ALK: variants seen among roughly 807,000 people sequenced by gnomAD.
ALK encodes ALK tyrosine kinase receptor.
Under a neutral mutation model 163.1 loss-of-function variants are expected in ALK, and 74 were observed. The ratio of observed to expected loss-of-function variants is 0.45; its 90% CI spans 0.38 to 0.55. The LOEUF (loss-of-function observed/expected upper bound fraction) is 0.55. Ranked by LOEUF, ALK falls within the 20% of genes least tolerant of loss-of-function variation. ALK has a pLI of 0.00. For missense variants in ALK, 2,063 were observed against 2,105.3 expected (o/e 0.98, Z 0.39); for synonymous variants, 960 against 843.2 (o/e 1.14, Z -2.40).
chr2:29,909,409 C>T (rs924556085), intron 1 of ALK, among the ~76,000 whole-genome samples: 2 of 151,012 alleles, frequency 1.3e-5, no homozygotes, highest in Admixed American at 6.6e-5. Context: ...TGAAGCAGCT[C>T]GAATTTCCAG....
At chr2:29,695,488 C>T (rs776751747) in intron 2 of ALK, among the ~76,000 whole-genome samples, 50 of 152,056 alleles carry the variant, frequency 3.3e-4, no homozygotes, top group African/African-American at 9.4e-4. Flanking sequence ...TCAAGTTTGC[C>T]GTAAGAACTG....
chr2:29,471,259 T>G (rs1413728991), intron 4 of ALK, among the ~76,000 whole-genome samples: 1 of 152,174 alleles, frequency 6.6e-6, no homozygotes, highest in African/African-American at 2.4e-5. Context: ...TAGCAGAAGA[T>G]AGAAAAACAA....
intron 4 of ALK, among the ~76,000 whole-genome samples, chr2:29,464,568 C>T (rs1558335853): frequency 1.3e-5 from 2 of 151,206 alleles, no homozygotes; most frequent in South Asian, 2.1e-4. Context: ...AAGACTGAAA[C>T]AGGCCCAGAT....
At chr2:29,470,723 A>G (rs1305119072) in intron 4 of ALK, among the ~76,000 whole-genome samples, 1 of 152,168 alleles carries the variant, frequency 6.6e-6, no homozygotes, top group Non-Finnish European at 1.5e-5. Context: ...TTACTAAAAG[A>G]AATATTAACG....
chr2:29,478,650 G>A (rs1305813271), intron 4 of ALK, among the ~76,000 whole-genome samples: 1 of 152,270 alleles, frequency 6.6e-6, no homozygotes, highest in African/African-American at 2.4e-5. Context: ...ACACTGCCAG[G>A]TGATTGAGGA....
At chr2:29,521,100 C>G (rs766896502) in intron 4 of ALK, among the ~76,000 whole-genome samples, 1 of 152,200 alleles carries the variant, frequency 6.6e-6, no homozygotes, top group African/African-American at 2.4e-5. Flanking sequence ...CTGGATCACA[C>G]AGTGGGGCTA....
chr2:29,239,649 C>T (rs1291639526), intron 13 of ALK, 31 bp downstream of exon 13: 2 of 1,612,474 alleles, frequency 1.2e-6, no homozygotes, highest in Non-Finnish European at 1.7e-6. Context: ...TGACAGAGTG[C>T]AGACGAGAAA....
intron 3 of ALK, among the ~76,000 whole-genome samples, chr2:29,568,558 G>C (rs1674259931): frequency 6.6e-6 from 1 of 152,086 alleles, no homozygotes. Flanking sequence ...GTTCTTTAGG[G>C]GTCCCTGGAA....
At chr2:29,247,077 G>C (rs1226013538) in intron 12 of ALK, among the ~76,000 whole-genome samples, 1 of 152,206 alleles carries the variant, frequency 6.6e-6, no homozygotes, top group Non-Finnish European at 1.5e-5. Flanking sequence ...CCCTCTCCTG[G>C]CAGAAGCCAT....
chr2:29,454,505 A>T, intron 4 of ALK, among the ~76,000 whole-genome samples: 1 of 152,130 alleles, frequency 6.6e-6, no homozygotes, highest in East Asian at 1.9e-4. Flanking sequence ...TGAATCCACA[A>T]ATGCAGAACC....
At chr2:29,844,091 T>A (rs79192919) in intron 1 of ALK, among the ~76,000 whole-genome samples, 1,956 of 152,256 alleles carry the variant, frequency 0.013, 48 homozygotes, top group African/African-American at 0.045. Flanking sequence ...GTTGTATAAG[T>A]TCTGGAAAAG....
intron 4 of ALK, among the ~76,000 whole-genome samples, chr2:29,389,910 C>A (rs987627870): frequency 6.6e-6 from 1 of 152,082 alleles, no homozygotes; most frequent in African/African-American, 2.4e-5. Flanking sequence ...CTGGAGGATA[C>A]CTGAGTTCTC....
At chr2:29,464,963 A>C (rs979680609) in intron 4 of ALK, among the ~76,000 whole-genome samples, 1 of 152,260 alleles carries the variant, frequency 6.6e-6, no homozygotes, top group African/African-American at 2.4e-5. Flanking sequence ...TGACAATGTC[A>C]GTCGAATATA....
intron 1 of ALK, among the ~76,000 whole-genome samples, chr2:29,757,593 TTGTGTGTGTGTG>T (rs35768373): frequency 2.0e-5 from 3 of 148,232 alleles, no homozygotes; most frequent in African/African-American, 4.9e-5. Context: ...TTTTGTTTGT[TTGTGTGTGTGTG>T]TGTGTGTGTG....
In ALK at chr2:29,481,105, G is replaced by A. The variant is rs146045169; in HGVS notation, c.1154+50810C>T. ...GACCAGCTTCAGATTTAGTGAACGC[G>A]AGACCTGAGCGATTATTCTCGAACA... On this transcript the variant is annotated intron_variant, in intron 4 of 28. Coordinates refer to ENST00000389048, the MANE Select transcript of ALK (RefSeq NM_004304.5). Among the ~76,000 whole-genome samples, 377 of 152,298 alleles carry A rather than the reference G, an allele frequency of 2.5e-3. 3 individuals are homozygous for A. Among genetic ancestry groups the A allele is most frequent in the African/African-American group, 8.6e-3 (357 of 41,566 alleles).
chr2:29,899,303 G>A lies in ALK; in HGVS notation c.667+20690C>T, dbSNP rs998077612. Among the ~76,000 whole-genome samples the A allele has an allele frequency of 3.9e-5, 6 of 152,274 alleles. No individual in the cohort carries two copies. In the East Asian group the frequency reaches 5.8e-4, roughly 15 times the overall value. ...AGAAGGAAATCCAGTGAGGGCCTTC[G>A]GGAAAGATTTTTGTTCTCCAAAGAC... On this transcript the variant is annotated intron_variant, in intron 1 of 28. Coordinates refer to ENST00000389048, the MANE Select transcript of ALK (RefSeq NM_004304.5).
chr2:29,903,080 T>C (rs1461896033), intron 1 of ALK, among the ~76,000 whole-genome samples: 1 of 152,102 alleles, frequency 6.6e-6, no homozygotes, highest in African/African-American at 2.4e-5. Flanking sequence ...TGACTCAAAA[T>C]CCTATATTTT....
intron 1 of ALK, among the ~76,000 whole-genome samples, chr2:29,725,894 C>T (rs148600646): frequency 6.6e-6 from 1 of 152,146 alleles, no homozygotes; most frequent in Non-Finnish European, 1.5e-5. Context: ...TTTGATAGTT[C>T]CAGGTCACTC....
intron 1 of ALK, among the ~76,000 whole-genome samples, chr2:29,913,002 C>T (rs975322810): frequency 1.3e-5 from 2 of 152,162 alleles, no homozygotes; most frequent in African/African-American, 2.4e-5. Flanking sequence ...TTTCTTTAAG[C>T]CTGCCTAGAT....
Sources: gnomAD v4.1 joint callset for allele counts (sites outside exome capture counted in the v4.1 genomes callset) on GRCh38, gnomAD v4.1.1 for gene constraint, MANE v1.5 for transcripts, NCBI Gene and HGNC (gene_info 2026-07-23, HGNC 2026-07-21) for gene names.